The following AKAP6 variants were observed in gnomAD, a reference collection of about 807,000 sequenced individuals.
The protein encoded by AKAP6 is A-kinase anchoring protein 6, also known as A-kinase anchor protein 6.
In AKAP6, 58 loss-of-function variants were observed where a neutral mutation model predicts 188.5. The observed-to-expected ratio is 0.31, with a 90% CI of 0.25 to 0.38. The LOEUF is 0.38. Among genes scored for constraint, AKAP6 ranks in the 10% least tolerant of loss-of-function variants. The pLI is 1.00. For missense variants in AKAP6, 2,710 were observed against 2,740.0 expected (o/e 0.99, Z 0.24); for synonymous variants, 989 against 998.6 (o/e 0.99, Z 0.18).
At chr14:32,612,402 T>C (rs1285901113) in intron 7 of AKAP6, among the ~76,000 whole-genome samples, 4 of 152,194 alleles carry the variant, frequency 2.6e-5, no homozygotes, top group Non-Finnish European at 5.9e-5. Flanking sequence ...AGTTATAATA[T>C]CCTTTTTAAA....
intron 7 of AKAP6, among the ~76,000 whole-genome samples, chr14:32,608,206 A>T (rs1886202557): frequency 6.6e-6 from 1 of 152,142 alleles, no homozygotes; most frequent in Admixed American, 6.5e-5. Context: ...TGGTCTATAT[A>T]GTGTATAAGA....
chr14:32,648,848 C>T (rs986157355), intron 7 of AKAP6, among the ~76,000 whole-genome samples: 9 of 151,940 alleles, frequency 5.9e-5, no homozygotes, highest in South Asian at 2.1e-4. Flanking sequence ...ATTCATGAGG[C>T]GGTACCTCTA....
intron 2 of AKAP6, among the ~76,000 whole-genome samples, chr14:32,439,887 T>G (rs1278521481): frequency 6.6e-6 from 1 of 152,308 alleles, no homozygotes; most frequent in South Asian, 2.1e-4. Context: ...CAGCACATCT[T>G]AAATATAATA....
intron 13 of AKAP6, among the ~76,000 whole-genome samples, chr14:32,828,144 G>A (rs1392947817): frequency 6.6e-6 from 1 of 152,172 alleles, no homozygotes; most frequent in Non-Finnish European, 1.5e-5. Context: ...ATTTGTGCAT[G>A]CTCAAGTACG....
intron 11 of AKAP6, among the ~76,000 whole-genome samples, chr14:32,756,800 A>G (rs1566689843): frequency 6.6e-6 from 1 of 152,062 alleles, no homozygotes; most frequent in African/African-American, 2.4e-5. Flanking sequence ...TTGCAGTGTG[A>G]TGCTGCAGGG....
chr14:32,521,627 C>T (rs1410841281), intron 2 of AKAP6, among the ~76,000 whole-genome samples: 1 of 152,166 alleles, frequency 6.6e-6, no homozygotes, highest in Non-Finnish European at 1.5e-5. Context: ...ATCCAACTTA[C>T]AAGGGATGTG....
chr14:32,424,496 G>A (rs1225804086), intron 1 of AKAP6, among the ~76,000 whole-genome samples: 1 of 151,644 alleles, frequency 6.6e-6, no homozygotes, highest in Non-Finnish European at 1.5e-5. Context: ...AATTTGTTTT[G>A]TTTATTTTTA....
Position 32,836,144 on chromosome 14 carries a change from T to C in AKAP6, c.*6339T>C, listed in dbSNP as rs1234479439. The C allele has an allele frequency of 6.6e-6, 1 of 152,238 alleles. No homozygotes were observed. The highest frequency in any genetic ancestry group is 1.5e-5 in the Non-Finnish European group (1 of 68,048). The allele number at this position is 152,238 out of a possible 1,614,324, so 9.4% of individuals were successfully genotyped here. The stretch of plus-strand genomic sequence containing the variant: ...CCATTGCAACACACAGGAGTTGGAA[T>C]GTGTTCATACGTGTAAGACTGTCTT... On this transcript the variant is annotated 3_prime_UTR_variant, in exon 14 of 14. Coordinates refer to ENST00000280979, the MANE Select transcript of AKAP6 (RefSeq NM_004274.5).
intron 7 of AKAP6, among the ~76,000 whole-genome samples, chr14:32,645,571 C>T (rs1039418673): frequency 3.3e-5 from 5 of 152,152 alleles, no homozygotes; most frequent in African/African-American, 1.2e-4. Context: ...CTTGTGCCAC[C>T]ACACCCACCT....
chr14:32,712,413 C>G (rs1594872164), intron 9 of AKAP6, among the ~76,000 whole-genome samples: 1 of 152,128 alleles, frequency 6.6e-6, no homozygotes, highest in East Asian at 1.9e-4. Flanking sequence ...TAAAATAAGG[C>G]AATGAAGTTT....
At chr14:32,829,295 C>A (rs182413494) in intron 13 of AKAP6, among the ~76,000 whole-genome samples, 18 of 152,314 alleles carry the variant, frequency 1.2e-4, no homozygotes, top group Non-Finnish European at 4.4e-5. Flanking sequence ...CCAGTTGTAT[C>A]TTTTTATAGG....
intron 1 of AKAP6, among the ~76,000 whole-genome samples, chr14:32,398,260 T>C (rs746079461): frequency 1.3e-5 from 2 of 152,194 alleles, no homozygotes; most frequent in Non-Finnish European, 2.9e-5. Flanking sequence ...TGCCTCTGAT[T>C]TGTGATGGAA....
Position 32,832,068 on chromosome 14 carries a change from T to C in AKAP6, c.*2263T>C, listed in dbSNP as rs1450401117. ...AAATGGATAAATTATTCTAGGCTTC[T>C]TAATAGGTAGTAATTTGTTCAAAAG... On this transcript the variant is annotated 3_prime_UTR_variant, in exon 14 of 14. Coordinates refer to ENST00000280979, the MANE Select transcript of AKAP6 (RefSeq NM_004274.5). 1.3e-5 allele frequency: 2 copies of C among 152,138 alleles called. No homozygotes were observed. The highest frequency in any genetic ancestry group is 4.8e-5 in the African/African-American group (2 of 41,438). 9.4% of individuals were successfully genotyped at this position (152,138 alleles called of 1,614,324 possible).
chr14:32,808,389 T>A (rs2300857), intron 12 of AKAP6, among the ~76,000 whole-genome samples: 4 of 152,094 alleles, frequency 2.6e-5, no homozygotes, highest in East Asian at 3.9e-4. Context: ...ACCAAGGACC[T>A]CATTCTGAGT....
intron 2 of AKAP6, among the ~76,000 whole-genome samples, chr14:32,453,136 A>G (rs1365998187): frequency 6.6e-6 from 1 of 152,238 alleles, no homozygotes; most frequent in African/African-American, 2.4e-5. Flanking sequence ...ATATGAATGT[A>G]GGATTTTCCA....
At chr14:32,486,749 A>G (rs1395171322) in intron 2 of AKAP6, among the ~76,000 whole-genome samples, 2 of 152,228 alleles carry the variant, frequency 1.3e-5, no homozygotes, top group Non-Finnish European at 1.5e-5. Flanking sequence ...ATATACAAAC[A>G]TGTCATCTGT....
intron 2 of AKAP6, among the ~76,000 whole-genome samples, chr14:32,453,598 T>TCC (rs1891012758): frequency 3.0e-5 from 1 of 33,784 alleles, no homozygotes; most frequent in African/African-American, 1.5e-4. Flanking sequence ...TTTTTTTTTT[T>TCC]TTTTTTTTTT....
chr14:32,573,583 ATG>A (rs1884587949), intron 4 of AKAP6, among the ~76,000 whole-genome samples: 1 of 152,114 alleles, frequency 6.6e-6, no homozygotes, highest in Non-Finnish European at 1.5e-5. Flanking sequence ...TTTTGCCACA[ATG>A]ATATTTATCT....
chr14:32,786,306 T>TTTTTTGTTTTTTG (rs1555362338), intron 12 of AKAP6, among the ~76,000 whole-genome samples: 1 of 90,216 alleles, frequency 1.1e-5, no homozygotes, highest in African/African-American at 4.0e-5. Flanking sequence ...ATCTTTTTTT[T>TTTTTTGTTTTTTG]TTTTTTTTTT....
Sources: allele counts gnomAD v4.1 joint callset (sites outside exome capture counted in the v4.1 genomes callset), GRCh38; gene constraint gnomAD v4.1.1; transcripts MANE v1.5; gene names NCBI Gene and HGNC (gene_info 2026-07-23, HGNC 2026-07-21).